KLHL24: variants seen among roughly 807,000 people sequenced by gnomAD.
KLHL24 encodes kelch-like protein 24.
In KLHL24, 29 loss-of-function variants were observed where a neutral mutation model predicts 53.4. The observed-to-expected ratio is 0.54, with a 90% CI of 0.40 to 0.74. The LOEUF (loss-of-function observed/expected upper bound fraction) is 0.74, where lower values mean the gene tolerates loss of function less well. Among genes scored for constraint, KLHL24 ranks in the 30% least tolerant of loss-of-function variants. The pLI is 0.00. For missense variants in KLHL24, 504 were observed against 744.0 expected, an observed-to-expected ratio of 0.68 and a Z score of 3.75; for synonymous variants, 222 against 253.7, an observed-to-expected ratio of 0.88 and a Z score of 1.19.
At chr3:183,662,682 T>G (rs1719975162) in intron 3 of KLHL24, among the ~76,000 whole-genome samples, 1 of 152,204 alleles carries the variant, frequency 6.6e-6, no homozygotes, top group Non-Finnish European at 1.5e-5. Flanking sequence ...TGTTAAATGC[T>G]GTTTTTTGCA....
chr3:183,642,535 T>C (rs1419649124), intron 1 of KLHL24, among the ~76,000 whole-genome samples: 2 of 151,272 alleles, frequency 1.3e-5, no homozygotes, highest in Admixed American at 6.6e-5. Context: ...TTAAATACTA[T>C]TGCTATTCTG....
intron 3 of KLHL24, among the ~76,000 whole-genome samples, chr3:183,661,647 T>G (rs1719814141): frequency 6.6e-6 from 1 of 152,244 alleles, no homozygotes; most frequent in Non-Finnish European, 1.5e-5. Flanking sequence ...AGCAATTAGC[T>G]TCTCATGCTG....
intron 7 of KLHL24, among the ~76,000 whole-genome samples, chr3:183,675,118 T>G (rs1651966261): frequency 6.6e-6 from 1 of 152,232 alleles, no homozygotes; most frequent in African/African-American, 2.4e-5. Context: ...ATCTTGTATG[T>G]ATCTTGCATT....
chr3:183,638,209 T>G (rs991136747), intron 1 of KLHL24, among the ~76,000 whole-genome samples: 3 of 152,240 alleles, frequency 2.0e-5, no homozygotes, highest in East Asian at 3.8e-4. Context: ...AAAGGCTTGC[T>G]TATTCAAACA....
chr3:183,670,996 T>A, intron 5 of KLHL24, 38 bp from the exon 6 acceptor site: 1 of 1,476,902 alleles, frequency 6.8e-7, no homozygotes, highest in Non-Finnish European at 9.3e-7. Flanking sequence ...AATTCAGACT[T>A]TTGATAATTA....
rs912204859 is a variant in KLHL24, at chr3:183,661,022, G to A, written c.921-2436G>A. Among the ~76,000 whole-genome samples, 9 of 73,788 alleles carry A rather than the reference G, an allele frequency of 1.2e-4. 1 individual carries two copies. Among genetic ancestry groups the A allele is most frequent in the Non-Finnish European group, 2.0e-4 (8 of 40,620 alleles). 48.4% of individuals were successfully genotyped at this position (73,788 alleles called of 152,430 possible). A position where few individuals can be genotyped will look rare whatever the true frequency, so the allele number is the denominator to read the frequency against. On this transcript the variant is annotated intron_variant, in intron 3 of 7. Transcript: ENST00000242810. ...GGAGCTTGCAGTGAGCCGAGATTGC[G>A]CCACCGCACTCCAGCCTGGGCGACA...
At chr3:183,655,499 T>A (rs1283084068) in intron 3 of KLHL24, among the ~76,000 whole-genome samples, 1 of 152,128 alleles carries the variant, frequency 6.6e-6, no homozygotes, top group East Asian at 1.9e-4. Context: ...CATTGTAGCA[T>A]GTACCTGTAG....
chr3:183,641,427 G>A (rs11921185), intron 1 of KLHL24, among the ~76,000 whole-genome samples: 45,814 of 144,414 alleles, frequency 0.32, 7,657 homozygotes, highest in East Asian at 0.47. Context: ...GCAGTGAGCC[G>A]AGATCATGCC....
chr3:183,636,870 G>T (rs1325648191), intron 1 of KLHL24, among the ~76,000 whole-genome samples: 1 of 152,062 alleles, frequency 6.6e-6, no homozygotes, highest in African/African-American at 2.4e-5. Flanking sequence ...GGTAGCCTCG[G>T]TGGCCGCCGC....
In KLHL24 at chr3:183,671,024, T is replaced by A. The variant is rs752641146; in HGVS notation, c.1225-10T>A. 3.2e-5 allele frequency: 51 copies of A among 1,575,208 alleles called. No individual in the cohort carries two copies. The highest frequency in any genetic ancestry group is 4.3e-5 in the Non-Finnish European group (50 of 1,151,980). On this transcript the variant is annotated splice_polypyrimidine_tract_variant and intron_variant, in intron 5 of 7. Transcript: ENST00000242810. ...GATAATTAAGATTTTTCCATGTATT[T>A]TACATATAGGTATATGTTGTCGGTG...
rs2314158 is a variant in KLHL24, at chr3:183,684,150, G to A, written c.*4864G>A. On this transcript the variant is annotated 3_prime_UTR_variant, in exon 8 of 8. Coordinates refer to ENST00000242810, the MANE Select transcript of KLHL24 (RefSeq NM_017644.3). The stretch of plus-strand genomic sequence containing the variant: ...TTCAGGCTTTTTCATTTACCTTTTT[G>A]AAAAAGCACTTACTCTCCCCTTCCC... 0.32 allele frequency: 48,065 copies of A among 151,330 alleles called. 8,075 individuals carry two copies. The highest frequency in any genetic ancestry group is 0.47 in the East Asian group (2,433 of 5,142). The allele number at this position is 151,330 out of a possible 1,614,324, so 9.4% of individuals were successfully genotyped here. A position where few individuals can be genotyped will look rare whatever the true frequency, so the allele number is the denominator to read the frequency against.
At chr3:183,654,381 A>G (rs1262231581) in intron 3 of KLHL24, among the ~76,000 whole-genome samples, 1 of 152,052 alleles carries the variant, frequency 6.6e-6, no homozygotes, top group African/African-American at 2.4e-5. Context: ...CATGGTTTTA[A>G]TTACCATGCA....
chr3:183,671,767 A>C (rs1721358204), intron 6 of KLHL24, among the ~76,000 whole-genome samples: 1 of 152,200 alleles, frequency 6.6e-6, no homozygotes, highest in African/African-American at 2.4e-5. Context: ...AAAGCATCTA[A>C]TGCCTAGCTG....
chr3:183,676,016 A>G (rs572712021), intron 7 of KLHL24, among the ~76,000 whole-genome samples: 4 of 152,334 alleles, frequency 2.6e-5, no homozygotes, highest in African/African-American at 9.6e-5. Flanking sequence ...TTTAAAGAAA[A>G]TAAACATTTG....
intron 1 of KLHL24, among the ~76,000 whole-genome samples, chr3:183,642,141 C>T (rs1425509082): frequency 1.3e-5 from 2 of 152,180 alleles, no homozygotes; most frequent in Non-Finnish European, 2.9e-5. Context: ...ATTTGCCAGC[C>T]AGTGACAGAC....
chr3:183,664,919 A>G lies in KLHL24; in HGVS notation c.1106-2A>G. ...CGTGTGTGCATTGTTTTGCATTTCA[A>G]GGTGGAAGAATCAACAGCCGTGATG... On this transcript the variant is annotated splice_acceptor_variant, in intron 4 of 7. Coordinates refer to ENST00000242810, the MANE Select transcript of KLHL24 (RefSeq NM_017644.3). LOFTEE classifies it high-confidence loss of function. The G allele has an allele frequency of 2.5e-6, 4 of 1,571,362 alleles. No individual in the cohort carries two copies. Among genetic ancestry groups the G allele is most frequent in the Non-Finnish European group, 3.5e-6 (4 of 1,143,732 alleles).
intron 1 of KLHL24, among the ~76,000 whole-genome samples, chr3:183,639,059 G>T (rs940585357): frequency 2.0e-5 from 3 of 151,700 alleles, no homozygotes; most frequent in Non-Finnish European, 4.4e-5. Context: ...AAATTAGCCG[G>T]GTGTGGCCGC....
At chr3:183,674,382 C>T (rs539884784) in intron 7 of KLHL24, among the ~76,000 whole-genome samples, 9 of 149,406 alleles carry the variant, frequency 6.0e-5, no homozygotes, top group Admixed American at 1.4e-4. Context: ...TTTTTTGAGA[C>T]GGAGTTTCAC....
chr3:183,645,037 A>G (rs984104762), intron 2 of KLHL24, among the ~76,000 whole-genome samples: 60 of 152,368 alleles, frequency 3.9e-4, no homozygotes, highest in African/African-American at 1.4e-3. Flanking sequence ...CCTGAAATGC[A>G]ACAGGAATTT....
Sources: gnomAD v4.1 joint callset for allele counts (sites outside exome capture counted in the v4.1 genomes callset) on GRCh38, gnomAD v4.1.1 for gene constraint, MANE v1.5 for transcripts, NCBI Gene and HGNC (gene_info 2026-07-23, HGNC 2026-07-21) for gene names.